The following PRKCA variants were observed in gnomAD, a reference collection of about 807,000 sequenced individuals.
PRKCA encodes the protein protein kinase C alpha, also known as protein kinase C alpha type.
A neutral mutation model predicts 87.0 loss-of-function variants in PRKCA; 27 were observed. The observed-to-expected ratio is 0.31, with a 90% CI of 0.23 to 0.43. The LOEUF is 0.43. Ranked by LOEUF, PRKCA falls within the 20% of genes least tolerant of loss-of-function variation. The pLI is 1.00. For missense variants in PRKCA, 518 were observed against 852.3 expected, an observed-to-expected ratio of 0.61 and a Z score of 4.88; for synonymous variants, 329 against 311.1, an observed-to-expected ratio of 1.06 and a Z score of -0.61.
At chr17:66,562,121 AATATATATAATTAAATT>A (rs539292624) in intron 3 of PRKCA, among the ~76,000 whole-genome samples, 13,327 of 38,238 alleles carry the variant, frequency 0.35, 2,207 homozygotes, top group African/African-American at 0.55. Context: ...TATATAATTA[AATATATATAATTAAATT>A]ATATATATAA....
intron 2 of PRKCA, among the ~76,000 whole-genome samples, chr17:66,477,898 C>A (rs62070456): frequency 0.15 from 22,526 of 152,144 alleles, 1,788 homozygotes; most frequent in Middle Eastern, 0.22. Context: ...AGACTTCTTT[C>A]GGATGTATTT....
chr17:66,711,194 CCTTT>C lies in PRKCA; in HGVS notation c.919-21487_919-21484del, dbSNP rs147166683. ...CATCTTTAAATGGACAGCTCATTTT[CCTTT>C]CTTTCTGTTAATATCTTTCAATCAC... On this transcript the variant is annotated intron_variant, in intron 8 of 16. Coordinates refer to ENST00000413366, the MANE Select transcript of PRKCA (RefSeq NM_002737.3). 4.0e-3 allele frequency among the ~76,000 whole-genome samples: 611 copies of C among 152,230 alleles called. 5 individuals carry two copies. Among genetic ancestry groups the C allele is most frequent in the African/African-American group, 0.014 (566 of 41,526 alleles).
At chr17:66,682,975 G>A (rs1775385472) in intron 5 of PRKCA, among the ~76,000 whole-genome samples, 1 of 152,214 alleles carries the variant, frequency 6.6e-6, no homozygotes, top group South Asian at 2.1e-4. Context: ...TGAAGGTACT[G>A]TACGGATGTT....
chr17:66,572,357 C>G (rs1439930831), intron 3 of PRKCA, among the ~76,000 whole-genome samples: 1 of 152,032 alleles, frequency 6.6e-6, no homozygotes, highest in Non-Finnish European at 1.5e-5. Context: ...ATCCCAGCTA[C>G]TCAGGAGGCT....
At chr17:66,630,792 C>CCTACAAG (rs1362751592) in intron 3 of PRKCA, among the ~76,000 whole-genome samples, 3 of 152,224 alleles carry the variant, frequency 2.0e-5, no homozygotes, top group Non-Finnish European at 2.9e-5. Context: ...TGAACTCAAA[C>CCTACAAG]CTACAAGCTT....
At chr17:66,407,068 G>A (rs1567812906) in intron 2 of PRKCA, among the ~76,000 whole-genome samples, 2 of 152,024 alleles carry the variant, frequency 1.3e-5, no homozygotes, top group African/African-American at 4.8e-5. Context: ...TAGATTCAGA[G>A]CAACTAATAT....
intron 5 of PRKCA, among the ~76,000 whole-genome samples, chr17:66,663,525 G>A (rs1329352053): frequency 6.6e-6 from 1 of 152,230 alleles, no homozygotes; most frequent in Non-Finnish European, 1.5e-5. Context: ...GCCCTCGCTA[G>A]TTCCTCAGGC....
At chr17:66,753,624 G>A (rs181136162) in intron 13 of PRKCA, among the ~76,000 whole-genome samples, 1 of 152,220 alleles carries the variant, frequency 6.6e-6, no homozygotes, top group East Asian at 1.9e-4. Context: ...CCACAAATCC[G>A]TGTGCTAAAG....
At chr17:66,464,424 T>C (rs952351945) in intron 2 of PRKCA, among the ~76,000 whole-genome samples, 4 of 152,202 alleles carry the variant, frequency 2.6e-5, no homozygotes, top group African/African-American at 4.8e-5. Context: ...AAAGAATATG[T>C]TTAGTTTTTT....
At chr17:66,447,048 C>T (rs998194911) in intron 2 of PRKCA, among the ~76,000 whole-genome samples, 4 of 152,158 alleles carry the variant, frequency 2.6e-5, no homozygotes, top group African/African-American at 9.7e-5. Context: ...AGTAGTTTAG[C>T]ATAGTTCCGG....
At chr17:66,657,262 GTTAA>G in intron 5 of PRKCA, among the ~76,000 whole-genome samples, 1 of 152,314 alleles carries the variant, frequency 6.6e-6, no homozygotes, top group Non-Finnish European at 1.5e-5. Context: ...AAGGTTTGTG[GTTAA>G]TTAAAGATAG....
At chr17:66,679,553 A>G (rs937964570) in intron 5 of PRKCA, among the ~76,000 whole-genome samples, 8 of 152,222 alleles carry the variant, frequency 5.3e-5, no homozygotes. Context: ...AAGCACAGAC[A>G]TAGCTGTGCA....
intron 14 of PRKCA, among the ~76,000 whole-genome samples, chr17:66,785,265 G>A (rs555774877): frequency 1.3e-5 from 2 of 152,114 alleles, no homozygotes; most frequent in African/African-American, 2.4e-5. Context: ...TTGAGGGGAG[G>A]GACCTACTTG....
intron 2 of PRKCA, among the ~76,000 whole-genome samples, chr17:66,491,001 G>A (rs906452971): frequency 2.0e-5 from 3 of 152,198 alleles, no homozygotes; most frequent in Non-Finnish European, 2.9e-5. Context: ...AGCAAGATTA[G>A]CAAGGAATAT....
At chr17:66,500,688 T>C (rs771055883) in intron 3 of PRKCA, among the ~76,000 whole-genome samples, 8 of 152,240 alleles carry the variant, frequency 5.3e-5, no homozygotes, top group Admixed American at 4.6e-4. Context: ...TGGATTGTGC[T>C]GCCAGTGGAG....
At chr17:66,688,638 A>G (rs1972693941) in intron 7 of PRKCA, among the ~76,000 whole-genome samples, 1 of 151,972 alleles carries the variant, frequency 6.6e-6, no homozygotes, top group African/African-American at 2.4e-5. Context: ...CCCCACCTCT[A>G]CAGAAAATAC....
chr17:66,468,417 A>G (rs1915181365), intron 2 of PRKCA, among the ~76,000 whole-genome samples: 1 of 152,200 alleles, frequency 6.6e-6, no homozygotes. Flanking sequence ...AGCAGTTTGT[A>G]GTCAGCTGAC....
At chr17:66,446,625 T>G (rs1914052469) in intron 2 of PRKCA, among the ~76,000 whole-genome samples, 1 of 152,200 alleles carries the variant, frequency 6.6e-6, no homozygotes, top group Non-Finnish European at 1.5e-5. Context: ...CTTGTACATT[T>G]TGGTGACTCA....
chr17:66,344,777 T>G (rs572813788), intron 2 of PRKCA, among the ~76,000 whole-genome samples: 3 of 152,282 alleles, frequency 2.0e-5, no homozygotes, highest in African/African-American at 7.2e-5. Flanking sequence ...CTACTTTTAT[T>G]TATTTTGAGA....
Sources: allele counts gnomAD v4.1 joint callset (sites outside exome capture counted in the v4.1 genomes callset), GRCh38; gene constraint gnomAD v4.1.1; transcripts MANE v1.5; gene names NCBI Gene and HGNC (gene_info 2026-07-23, HGNC 2026-07-21).